Variants in GPC4 observed in about 807,000 individuals in gnomAD.
The protein encoded by GPC4 is glypican-4.
A neutral mutation model predicts 35.0 loss-of-function variants in GPC4; 10 were observed. The ratio of observed to expected loss-of-function variants is 0.29; its 90% confidence interval spans 0.18 to 0.48. The LOEUF is 0.48. GPC4 is among the 20% of genes least tolerant of loss of function. The probability of loss-of-function intolerance (pLI) is 0.99; values close to 1 mark genes in which losing one functional copy is unlikely to be tolerated. For missense variants in GPC4, 322 were observed against 451.3 expected (o/e 0.71, Z 2.60); for synonymous variants, 167 against 170.2 (o/e 0.98, Z 0.15).
chrX:133,402,063 G>A (rs1303115783), intron 1 of GPC4, among the ~76,000 whole-genome samples: 1 of 112,118 alleles, frequency 8.9e-6, no homozygotes, highest in Non-Finnish European at 1.9e-5. Flanking sequence ...TGTAATGACT[G>A]CTTACTCTGG....
chrX:133,328,834 TG>T (rs2068405653), intron 2 of GPC4, among the ~76,000 whole-genome samples: 1 of 111,928 alleles, frequency 8.9e-6, no homozygotes, highest in Non-Finnish European at 1.9e-5. Context: ...AAGTTAGATC[TG>T]TGCAGCAATT....
chrX:133,355,870 C>T (rs1182695962), intron 1 of GPC4, among the ~76,000 whole-genome samples: 1 of 111,244 alleles, frequency 9.0e-6, no homozygotes, highest in African/African-American at 3.3e-5. Flanking sequence ...CTCTTAATCC[C>T]GCTATCACCA....
intron 1 of GPC4, among the ~76,000 whole-genome samples, chrX:133,340,711 T>A (rs190172652): frequency 8.9e-6 from 1 of 112,313 alleles, no homozygotes; most frequent in East Asian, 2.8e-4. Context: ...GTATTTCAGA[T>A]AAAATTGAGC....
chrX:133,326,087 C>T (rs1481478364), intron 2 of GPC4, among the ~76,000 whole-genome samples: 2 of 108,551 alleles, frequency 1.8e-5, no homozygotes, highest in African/African-American at 6.8e-5. Context: ...CTATTGCTTG[C>T]CTTTTATTTA....
chrX:133,343,595 C>T (rs753044731), intron 1 of GPC4, among the ~76,000 whole-genome samples: 9 of 111,471 alleles, frequency 8.1e-5, no homozygotes, highest in Non-Finnish European at 1.5e-4. Context: ...TAGTTTTTTT[C>T]TTTGTGGGTC....
intron 3 of GPC4, chrX:133,311,625 A>G: frequency 2.2e-6 from 1 of 453,819 alleles, no homozygotes. Flanking sequence ...GAGGGAGATG[A>G]CCCAAAACAA....
chrX:133,409,889 T>TAA (rs764819650), intron 1 of GPC4, among the ~76,000 whole-genome samples: 1 of 111,142 alleles, frequency 9.0e-6, no homozygotes, highest in Non-Finnish European at 1.9e-5. Context: ...AAGAACTATT[T>TAA]AAAAAGAGTC....
At chrX:133,412,205 C>T in intron 1 of GPC4, among the ~76,000 whole-genome samples, 1 of 111,727 alleles carries the variant, frequency 9.0e-6, no homozygotes, top group Non-Finnish European at 1.9e-5. Context: ...ATTGACTATC[C>T]CCCTTAAAAA....
At chrX:133,344,865 T>C (rs1320271324) in intron 1 of GPC4, among the ~76,000 whole-genome samples, 1 of 112,291 alleles carries the variant, frequency 8.9e-6, no homozygotes, top group African/African-American at 3.2e-5. Flanking sequence ...ATTTTACCAA[T>C]AAAGCAACCA....
intron 1 of GPC4, among the ~76,000 whole-genome samples, chrX:133,398,268 CATGGCT>C (rs2068753024): frequency 9.0e-6 from 1 of 110,853 alleles, no homozygotes; most frequent in East Asian, 2.8e-4. Context: ...CAGCCTTTGT[CATGGCT>C]ATGTAGTATG....
intron 1 of GPC4, among the ~76,000 whole-genome samples, chrX:133,360,007 T>C (rs1175298037): frequency 1.8e-5 from 2 of 110,190 alleles, no homozygotes; most frequent in Non-Finnish European, 3.8e-5. Flanking sequence ...GTGAAATCAC[T>C]ACACATTTAT....
intron 1 of GPC4, among the ~76,000 whole-genome samples, chrX:133,341,749 A>G (rs2068467908): frequency 9.0e-6 from 1 of 111,307 alleles, no homozygotes; most frequent in Non-Finnish European, 1.9e-5. Context: ...GACAGCAGGA[A>G]ATAATAATTT....
At chrX:133,331,383 A>G (rs1435854825) in intron 2 of GPC4, among the ~76,000 whole-genome samples, 4 of 111,977 alleles carry the variant, frequency 3.6e-5, no homozygotes, top group African/African-American at 6.5e-5. Context: ...CAAGTGTTCC[A>G]TGTACTAACC....
At chrX:133,406,267 C>T (rs1015856782) in intron 1 of GPC4, among the ~76,000 whole-genome samples, 5 of 112,508 alleles carry the variant, frequency 4.4e-5, no homozygotes, top group Non-Finnish European at 9.4e-5. Flanking sequence ...CAAAGCAGCA[C>T]TCAGTTGTGG....
intron 8 of GPC4, 48 bp downstream of exon 8, chrX:133,303,118 C>T (rs2068274465): frequency 8.3e-7 from 1 of 1,206,730 alleles, no homozygotes; most frequent in East Asian, 3.0e-5. Flanking sequence ...TTGTTCTCAT[C>T]AGAAGACATA....
rs1417920991 is a variant in GPC4 at position 133,414,718 on chromosome X, AG to A, written c.160+87del. The A allele has an allele frequency of 3.4e-6, 4 of 1,174,272 alleles. No homozygotes were observed. The African/African-American group carries it at 5.3e-5, about 16-fold the overall frequency. On this transcript the variant is annotated intron_variant, in intron 1 of 8. Transcript: ENST00000370828. The stretch of plus-strand genomic sequence containing the variant: ...CCTCTAGTGTACCTGCGTCCGGCGC[AG>A]GGGGCGGCGGGGCGGGGGAAGGGAG...
chrX:133,307,582 G>A (rs1004119632), intron 4 of GPC4, among the ~76,000 whole-genome samples: 32 of 111,537 alleles, frequency 2.9e-4, no homozygotes, highest in Non-Finnish European at 3.9e-4. Context: ...TACTACAGGA[G>A]AGAAAAAAAA....
At chrX:133,357,140 T>C (rs953794828) in intron 1 of GPC4, among the ~76,000 whole-genome samples, 1 of 110,093 alleles carries the variant, frequency 9.1e-6, no homozygotes, top group Non-Finnish European at 1.9e-5. Context: ...TCCCAGCACT[T>C]TGGGAGGCCG....
Position 133,382,477 on chromosome X carries a change from G to C in GPC4, c.160+32329C>G, listed in dbSNP as rs1295652742. Reference sequence around the variant, plus strand: ...GGCACAGTGGCTCACGCCTGTAATTGCAGCACTTTGGGAGGCCAAGGCGGG... The same window carrying C: ...GGCACAGTGGCTCACGCCTGTAATTCCAGCACTTTGGGAGGCCAAGGCGGG... On this transcript the variant is annotated intron_variant, in intron 1 of 8. Coordinates refer to ENST00000370828, the MANE Select transcript of GPC4 (RefSeq NM_001448.3). Among the ~76,000 whole-genome samples, 177 of 94,504 alleles carry C rather than the reference G, an allele frequency of 1.9e-3. 1 individual carries two copies. The highest frequency in any genetic ancestry group is 8.2e-3 in the Middle Eastern group (1 of 122). The allele number at this position is 94,504 out of a possible 115,157, so 82.1% of individuals were successfully genotyped here.
Sources: allele counts gnomAD v4.1 joint callset (sites outside exome capture counted in the v4.1 genomes callset), GRCh38; gene constraint gnomAD v4.1.1; transcripts MANE v1.5; gene names NCBI Gene and HGNC (gene_info 2026-07-23, HGNC 2026-07-21).